The following KCNQ1 variants were observed in gnomAD, a reference collection of about 807,000 sequenced individuals.
KCNQ1 encodes the protein potassium voltage-gated channel subfamily Q member 1.
In KCNQ1, 49 loss-of-function variants were observed where a neutral mutation model predicts 72.4. That is an observed-to-expected ratio of 0.68 (90% CI 0.54 to 0.86). The LOEUF is 0.86. KCNQ1 is among the 40% of genes least tolerant of loss of function. KCNQ1 has a pLI of 0.00. For synonymous variants in KCNQ1, 450 were observed against 412.6 expected, an observed-to-expected ratio of 1.09 and a Z score of -1.10; for missense variants, 790 against 945.1, an observed-to-expected ratio of 0.84 and a Z score of 2.15.
chr11:2,523,751 GTT>G (rs59766245), intron 1 of KCNQ1, among the ~76,000 whole-genome samples: 41 of 115,144 alleles, frequency 3.6e-4, no homozygotes, highest in Non-Finnish European at 2.2e-4. Flanking sequence ...GAAGTTTACA[GTT>G]TTTTTTTTTT....
intron 1 of KCNQ1, among the ~76,000 whole-genome samples, chr11:2,454,897 A>G (rs1017057477): frequency 6.6e-6 from 1 of 152,174 alleles, no homozygotes; most frequent in Non-Finnish European, 1.5e-5. Context: ...TATTCAAAAT[A>G]ATACTGGAGG....
In KCNQ1 at chr11:2,450,495, G is replaced by A. The variant is rs529237189; in HGVS notation, c.386+5011G>A. Among the ~76,000 whole-genome samples the A allele has an allele frequency of 7.2e-4, 109 of 152,244 alleles. No individual in the cohort carries two copies. The highest frequency in any genetic ancestry group is 2.2e-3 in the African/African-American group (93 of 41,532). ...TGGTTACAGAGGGGAGGGCGGCAGC[G>A]TCTGGCTTCACTCTCGGGAGGTGCC... On this transcript the variant is annotated intron_variant, in intron 1 of 15. Coordinates refer to ENST00000155840, the MANE Select transcript of KCNQ1 (RefSeq NM_000218.3). This position sits in a 1 kb window ranked among gnomAD's most constrained non-coding sequence, Gnocchi z 7.9.
intron 15 of KCNQ1, among the ~76,000 whole-genome samples, chr11:2,799,435 A>G (rs1381289201): frequency 6.6e-6 from 1 of 151,340 alleles, no homozygotes. Flanking sequence ...ATGCCTGGAC[A>G]CAGTGTGTGT....
intron 2 of KCNQ1, among the ~76,000 whole-genome samples, chr11:2,560,432 G>A (rs1159983956): frequency 1.1e-5 from 1 of 94,368 alleles, no homozygotes; most frequent in Non-Finnish European, 2.2e-5. Flanking sequence ...ATCCTGGGGG[G>A]ACGGTGGGGG....
At chr11:2,632,043 C>T (rs1242417045) in intron 10 of KCNQ1, 1 of 396,164 alleles carries the variant, frequency 2.5e-6, no homozygotes, top group East Asian at 3.6e-5. Context: ...ATTAGCCAGG[C>T]ATAGCAGCGT....
intron 2 of KCNQ1, among the ~76,000 whole-genome samples, chr11:2,556,588 T>C (rs1242133914): frequency 6.6e-6 from 1 of 152,212 alleles, no homozygotes; most frequent in Non-Finnish European, 1.5e-5. Context: ...GCCTAAAATA[T>C]TTACTATCTG....
intron 11 of KCNQ1, among the ~76,000 whole-genome samples, chr11:2,709,416 G>C (rs916942413): frequency 2.4e-4 from 21 of 87,768 alleles, no homozygotes; most frequent in Non-Finnish European, 4.0e-4. Context: ...CGGTCCTGCA[G>C]GGCTGTTTTT....
At chr11:2,577,003 G>A (rs1848432548) in intron 6 of KCNQ1, among the ~76,000 whole-genome samples, 1 of 152,192 alleles carries the variant, frequency 6.6e-6, no homozygotes, top group Non-Finnish European at 1.5e-5. Context: ...ATCTGCACAT[G>A]GGAGACAGCA....
intron 10 of KCNQ1, chr11:2,631,651 T>C (rs942380617): frequency 5.0e-6 from 2 of 398,504 alleles, no homozygotes; most frequent in African/African-American, 4.1e-5. Flanking sequence ...TTTCTGTTTC[T>C]TGTTACAATG....
At chr11:2,470,446 A>C (rs1333324671) in intron 1 of KCNQ1, among the ~76,000 whole-genome samples, 1 of 152,164 alleles carries the variant, frequency 6.6e-6, no homozygotes, top group African/African-American at 2.4e-5. Flanking sequence ...GGGAGCATGG[A>C]AGCGTATATC....
In KCNQ1 at chr11:2,848,301, G is replaced by A; in HGVS notation, c.*298G>A. 1.6e-6 allele frequency: 1 copy of A among 624,462 alleles called. No individual in the cohort carries two copies. 38.7% of individuals were successfully genotyped at this position (624,462 alleles called of 1,614,324 possible). On this transcript the variant is annotated 3_prime_UTR_variant, in exon 16 of 16. Transcript: ENST00000155840. ...CTGGCATGGTGGTTGGGACCCAGTG[G>A]CAGGGCACAGGGCCTGGCCCATGTA...
intron 1 of KCNQ1, among the ~76,000 whole-genome samples, chr11:2,513,936 G>A (rs1244923073): frequency 2.0e-5 from 3 of 152,220 alleles, no homozygotes; most frequent in African/African-American, 7.2e-5. Context: ...GGCCTGCAAG[G>A]TGTGTGCATG....
In KCNQ1 at chr11:2,624,212, A is replaced by G. The variant is rs376533025; in HGVS notation, c.1393+35358A>G. 1.3e-5 allele frequency: 5 copies of G among 398,604 alleles called. No homozygotes were observed. Among genetic ancestry groups the G allele is most frequent in the South Asian group, 1.3e-4 (1 of 7,856 alleles). 24.7% of individuals were successfully genotyped at this position (398,604 alleles called of 1,614,324 possible). ...TCATATACTTAGTTGCCATCTGTAT[A>G]TCTTCATTGGTGAGATGTCTGTTAA... On this transcript the variant is annotated intron_variant, in intron 10 of 15. Transcript: ENST00000155840. This position sits in a 1 kb window ranked among gnomAD's most constrained non-coding sequence, Gnocchi z 4.9.
At chr11:2,685,351 T>G in intron 11 of KCNQ1, 1 of 398,682 alleles carries the variant, frequency 2.5e-6, no homozygotes, top group Non-Finnish European at 4.4e-6. Context: ...GGAGGGTACA[T>G]GGGCAGGTAC....
At position 2,669,574 on chromosome 11, in the gene KCNQ1, C is replaced by T. The variant is rs1008200725; in HGVS notation, c.1514+7493C>T. The T allele has an allele frequency of 7.5e-6, 3 of 398,492 alleles. No individual in the cohort carries two copies. Among genetic ancestry groups the T allele is most frequent in the African/African-American group, 6.2e-5 (3 of 48,626 alleles). The allele number at this position is 398,492 out of a possible 1,614,324, so 24.7% of individuals were successfully genotyped here. A position where few individuals can be genotyped will look rare whatever the true frequency, so the allele number is the denominator to read the frequency against. On this transcript the variant is annotated intron_variant, in intron 11 of 15. Coordinates refer to ENST00000155840, the MANE Select transcript of KCNQ1 (RefSeq NM_000218.3). This position sits in a 1 kb window ranked among gnomAD's most constrained non-coding sequence, Gnocchi z 5.6. ...TCAGGGAGCCCTGGCCAGCTTGGGT[C>T]ATTTCATCCTGCCCACAGGACACTG... is the stretch of plus-strand genomic sequence containing the variant.
rs1255780421 is a variant in KCNQ1 at position 2,543,156 on chromosome 11, TA to T, written c.477+15142del. On this transcript the variant is annotated intron_variant, in intron 2 of 15. Transcript: ENST00000155840. The surrounding 1 kb of genome is among the most constrained non-coding windows in gnomAD (Gnocchi z 5.6). ...ATCTTTTTAAATGTTTCACCCATTG[TA>T]AAATTGGGCTGTTTGTCATCTGAGT... Among the ~76,000 whole-genome samples the T allele has an allele frequency of 4.6e-5, 7 of 152,260 alleles. No individual in the cohort carries two copies. Among genetic ancestry groups the T allele is most frequent in the Admixed American group, 3.9e-4 (6 of 15,280 alleles).
chr11:2,822,224 G>C (rs1847752269), intron 15 of KCNQ1, among the ~76,000 whole-genome samples: 2 of 152,174 alleles, frequency 1.3e-5, no homozygotes, highest in African/African-American at 4.8e-5. Flanking sequence ...CTGACACCTT[G>C]TTAGCCCGGT....
chr11:2,773,727 A>G (rs117683599), intron 12 of KCNQ1, among the ~76,000 whole-genome samples: 1 of 106,052 alleles, frequency 9.4e-6, no homozygotes, highest in African/African-American at 3.6e-5. Context: ...CCATCTTCCA[A>G]AAGGGAGGAT....
chr11:2,633,602 C>T (rs1849400007), intron 10 of KCNQ1: 1 of 398,568 alleles, frequency 2.5e-6, no homozygotes, highest in Non-Finnish European at 4.4e-6. Flanking sequence ...GTTTTCCCAA[C>T]ATGATGTGTT....
Sources: gnomAD v4.1 joint callset for allele counts (sites outside exome capture counted in the v4.1 genomes callset) on GRCh38, gnomAD v4.1.1 for gene constraint, Gnocchi (gnomAD v3.1) non-coding constraint, MANE v1.5 for transcripts, NCBI Gene and HGNC (gene_info 2026-07-23, HGNC 2026-07-21) for gene names.